Variants in KAZN observed in about 807,000 individuals in gnomAD.
The protein encoded by KAZN is kazrin, periplakin interacting protein, also known as kazrin.
KAZN carries 40 observed loss-of-function variants against 87.4 expected under a neutral mutation model. The ratio of observed to expected loss-of-function variants is 0.46; its 90% CI spans 0.36 to 0.60. The LOEUF (loss-of-function observed/expected upper bound fraction) is 0.60. Among genes scored for constraint, KAZN ranks in the 20% least tolerant of loss-of-function variants. The pLI is 0.00. For synonymous variants in KAZN, 466 were observed against 458.3 expected (o/e 1.02, Z -0.22); for missense variants, 898 against 1,073.9 (o/e 0.84, Z 2.29).
At chr1:14,942,650 A>G (rs908888807) in intron 1 of KAZN, among the ~76,000 whole-genome samples, 1 of 152,118 alleles carries the variant, frequency 6.6e-6, no homozygotes, top group Admixed American at 6.5e-5. Context: ...TGGCCAGGAG[A>G]CTGTAGTCCT....
At chr1:14,309,287 G>T (rs983075761) in intron 2 of KAZN, among the ~76,000 whole-genome samples, 1 of 152,186 alleles carries the variant, frequency 6.6e-6, no homozygotes, top group African/African-American at 2.4e-5. Flanking sequence ...TTAAGTCAGA[G>T]AATTATCAAT....
At chr1:14,175,373 G>C (rs1273798958) in intron 1 of KAZN, among the ~76,000 whole-genome samples, 1 of 152,212 alleles carries the variant, frequency 6.6e-6, no homozygotes, top group Non-Finnish European at 1.5e-5. Context: ...GAAGTGCTGG[G>C]ATTTCAGGCG....
chr1:14,823,378 T>C (rs1467129862), intron 1 of KAZN, among the ~76,000 whole-genome samples: 2 of 151,956 alleles, frequency 1.3e-5, no homozygotes, highest in African/African-American at 4.8e-5. Flanking sequence ...GATACCCCAG[T>C]GTGGTATCTC....
At chr1:14,240,747 C>G (rs1350220470) in intron 2 of KAZN, among the ~76,000 whole-genome samples, 2 of 151,122 alleles carry the variant, frequency 1.3e-5, no homozygotes, top group Non-Finnish European at 2.9e-5. Flanking sequence ...CATAGCTGCA[C>G]CGGGTCACTA....
intron 8 of KAZN, among the ~76,000 whole-genome samples, chr1:15,086,065 G>A (rs1186346216): frequency 6.6e-6 from 1 of 152,086 alleles, no homozygotes; most frequent in African/African-American, 2.4e-5. Flanking sequence ...CTGCCTCCTG[G>A]GTTCAAGCGA....
At chr1:13,955,662 C>T (rs954728053) in intron 1 of KAZN, among the ~76,000 whole-genome samples, 1 of 152,130 alleles carries the variant, frequency 6.6e-6, no homozygotes, top group African/African-American at 2.4e-5. Flanking sequence ...GGTGTGTGAG[C>T]CTTAAAGCCA....
At chr1:14,902,267 C>T (rs1262310341) in intron 1 of KAZN, among the ~76,000 whole-genome samples, 2 of 151,736 alleles carry the variant, frequency 1.3e-5, no homozygotes, top group East Asian at 1.9e-4. Context: ...GCTCTGTCAC[C>T]CAGGCTGGAG....
At chr1:14,958,665 C>T (rs574535840) in intron 1 of KAZN, among the ~76,000 whole-genome samples, 2 of 152,340 alleles carry the variant, frequency 1.3e-5, no homozygotes, top group East Asian at 3.9e-4. Context: ...ACGCCCCTTC[C>T]ATGACCCTCG....
chr1:14,645,271 C>T (rs1680727406), intron 1 of KAZN, among the ~76,000 whole-genome samples: 1 of 152,082 alleles, frequency 6.6e-6, no homozygotes, highest in African/African-American at 2.4e-5. Context: ...TTGAAGTTGC[C>T]TTGGCTATTT....
At chr1:14,318,850 T>C (rs1299327632) in intron 2 of KAZN, among the ~76,000 whole-genome samples, 1 of 152,012 alleles carries the variant, frequency 6.6e-6, no homozygotes, top group Non-Finnish European at 1.5e-5. Context: ...ATGTTATACG[T>C]CTAGAGACTT....
chr1:13,946,322 G>A (rs942073070), intron 1 of KAZN, among the ~76,000 whole-genome samples: 2 of 152,116 alleles, frequency 1.3e-5, no homozygotes, highest in Non-Finnish European at 2.9e-5. Context: ...GAAGAGTTGC[G>A]ATTCTGGAGC....
chr1:14,159,707 T>C (rs1645670042), intron 1 of KAZN, among the ~76,000 whole-genome samples: 1 of 152,160 alleles, frequency 6.6e-6, no homozygotes, highest in African/African-American at 2.4e-5. Context: ...CAGCTGGGAA[T>C]GTGTTGAGTC....
rs936932126 is a variant in KAZN at position 15,066,098 on chromosome 1, TC to T, written c.1222+346del. ...TGTTAATCTGGTTTATTATTTTTCTTCAGTGTTTGGTTTTTCTTTTTCTTTT... is the reference window on the plus strand; with the variant it reads ...TGTTAATCTGGTTTATTATTTTTCTTAGTGTTTGGTTTTTCTTTTTCTTTT... On this transcript the variant is annotated intron_variant, in intron 8 of 14. Coordinates refer to ENST00000376030, the MANE Select transcript of KAZN (RefSeq NM_201628.3). The surrounding 1 kb of genome is among the most constrained non-coding windows in gnomAD (Gnocchi z 4.3). 3.5e-6 allele frequency: 4 copies of T among 1,136,190 alleles called. No individual in the cohort carries two copies. Among genetic ancestry groups the T allele is most frequent in the Admixed American group, 4.8e-5 (1 of 20,628 alleles). The allele number at this position is 1,136,190 out of a possible 1,614,324, so 70.4% of individuals were successfully genotyped here. A position where few individuals can be genotyped will look rare whatever the true frequency, so the allele number is the denominator to read the frequency against.
At chr1:14,803,982 C>A (rs907633864) in intron 1 of KAZN, among the ~76,000 whole-genome samples, 1 of 152,244 alleles carries the variant, frequency 6.6e-6, no homozygotes, top group African/African-American at 2.4e-5. Context: ...GTCCCCTAGT[C>A]CTCACCCAGT....
chr1:14,418,038 A>AAAAAAAAAAAC (rs1557705911), intron 2 of KAZN, among the ~76,000 whole-genome samples: 1 of 133,266 alleles, frequency 7.5e-6, no homozygotes, highest in Non-Finnish European at 1.6e-5. Context: ...AAAAAAAAAA[A>AAAAAAAAAAAC]AAAAAACCTA....
At chr1:14,348,017 T>G (rs978332976) in intron 2 of KAZN, among the ~76,000 whole-genome samples, 7 of 150,508 alleles carry the variant, frequency 4.7e-5, no homozygotes, top group Non-Finnish European at 1.0e-4. Context: ...TCCTGAGAGC[T>G]GGGACTACAG....
chr1:15,005,736 T>C (rs4329506), intron 2 of KAZN, among the ~76,000 whole-genome samples: 83,707 of 151,284 alleles, frequency 0.55, 26,043 homozygotes, highest in African/African-American at 0.86. Flanking sequence ...GGCAGGGAGG[T>C]GAGATCGTGC....
intron 1 of KAZN, among the ~76,000 whole-genome samples, chr1:14,852,455 G>C (rs1649568220): frequency 6.6e-6 from 1 of 152,222 alleles, no homozygotes; most frequent in African/African-American, 2.4e-5. Context: ...CTTCCCGGGA[G>C]GCAGCAGCTC....
chr1:14,247,334 A>G (rs1387729792), intron 2 of KAZN, among the ~76,000 whole-genome samples: 3 of 152,326 alleles, frequency 2.0e-5, no homozygotes, highest in African/African-American at 7.2e-5. Context: ...GTGCCAGAAG[A>G]GATGGTTACA....
Sources: allele counts gnomAD v4.1 joint callset (sites outside exome capture counted in the v4.1 genomes callset), GRCh38; gene constraint gnomAD v4.1.1; non-coding constraint Gnocchi (gnomAD v3.1); transcripts MANE v1.5; gene names NCBI Gene and HGNC (gene_info 2026-07-23, HGNC 2026-07-21).